The following LIMA1 variants were observed in gnomAD, a reference collection of about 807,000 sequenced individuals.
The protein encoded by LIMA1 is LIM domain and actin-binding protein 1.
A neutral mutation model predicts 62.6 loss-of-function variants in LIMA1; 52 were observed. The observed-to-expected ratio is 0.83, with a 90% confidence interval of 0.67 to 1.05. LIMA1 has a LOEUF of 1.05. LIMA1 is among the 50% of genes least tolerant of loss of function. LIMA1 has a pLI of 0.00. For synonymous variants in LIMA1, 302 were observed against 317.8 expected, an observed-to-expected ratio of 0.95 and a Z score of 0.53; for missense variants, 780 against 902.2, an observed-to-expected ratio of 0.86 and a Z score of 1.74.
At position 50,196,631 on chromosome 12, in the gene LIMA1, C is replaced by T. The variant is rs563477807; in HGVS notation, c.973-744G>A. Among the ~76,000 whole-genome samples the T allele has an allele frequency of 1.5e-4, 23 of 152,330 alleles. No individual in the cohort carries two copies. In the South Asian group the frequency reaches 4.8e-3, roughly 32 times the overall value. On this transcript the variant is annotated intron_variant, in intron 7 of 10. Coordinates refer to ENST00000341247, the MANE Select transcript of LIMA1 (RefSeq NM_016357.5). ...CACATCCAAAATCATGAAGAGTCAA[C>T]AGGTGACCCAATGTGCACTCTTCAC...
At chr12:50,273,059 A>G (rs964555498) in intron 1 of LIMA1, among the ~76,000 whole-genome samples, 20 of 151,840 alleles carry the variant, frequency 1.3e-4, no homozygotes, top group African/African-American at 4.8e-4. Context: ...CAAAAAAAAA[A>G]AAAAAGAATT....
intron 1 of LIMA1, among the ~76,000 whole-genome samples, chr12:50,266,951 G>C (rs1351750225): frequency 6.6e-6 from 1 of 152,094 alleles, no homozygotes; most frequent in Non-Finnish European, 1.5e-5. Context: ...CTGGAGTGCA[G>C]TGGCCTGATC....
intron 1 of LIMA1, among the ~76,000 whole-genome samples, chr12:50,255,090 C>T (rs1198534690): frequency 6.6e-6 from 1 of 151,584 alleles, no homozygotes; most frequent in Non-Finnish European, 1.5e-5. Flanking sequence ...AATGAGCTGG[C>T]CCTGCAACCA....
intron 1 of LIMA1, among the ~76,000 whole-genome samples, chr12:50,273,650 TAAG>T (rs1413025127): frequency 6.6e-6 from 1 of 152,238 alleles, no homozygotes; most frequent in African/African-American, 2.4e-5. Context: ...TAGATGTTAA[TAAG>T]AAACCTTTTG....
At chr12:50,211,848 CT>C (rs1324137076) in intron 4 of LIMA1, among the ~76,000 whole-genome samples, 1 of 152,030 alleles carries the variant, frequency 6.6e-6, no homozygotes, top group African/African-American at 2.4e-5. Context: ...CTGTAACAGA[CT>C]TTTATCACAT....
chr12:50,215,380 C>A (rs1424626879), intron 4 of LIMA1, among the ~76,000 whole-genome samples: 1 of 152,118 alleles, frequency 6.6e-6, no homozygotes, highest in African/African-American at 2.4e-5. Context: ...AGGTCACAAA[C>A]AAGAGAAAAG....
rs1940320049 is a variant in LIMA1 at position 50,175,788 on chromosome 12, T to C, written c.*1276A>G. On this transcript the variant is annotated 3_prime_UTR_variant, in exon 11 of 11. Transcript: ENST00000341247. ...ATAATGGAAGAGAAACATTGAAAAG[T>C]TCAAATTTTAATTAAAATCTTTATT... The C allele has an allele frequency of 6.6e-6, 1 of 152,116 alleles. No individual in the cohort carries two copies. Among genetic ancestry groups the C allele is most frequent in the African/African-American group, 2.4e-5 (1 of 41,410 alleles). 9.4% of individuals were successfully genotyped at this position (152,116 alleles called of 1,614,324 possible).
chr12:50,270,024 C>T (rs1032018860), intron 1 of LIMA1, among the ~76,000 whole-genome samples: 3 of 149,338 alleles, frequency 2.0e-5, no homozygotes, highest in African/African-American at 4.9e-5. Context: ...CACCTGAGGT[C>T]GGGAGTTCAA....
At chr12:50,240,283 A>C (rs1941758708) in intron 2 of LIMA1, among the ~76,000 whole-genome samples, 1 of 152,168 alleles carries the variant, frequency 6.6e-6, no homozygotes, top group Admixed American at 6.6e-5. Context: ...GGGAAAGGGC[A>C]GGCAATGAGG....
chr12:50,262,224 A>G (rs1480869354), intron 1 of LIMA1, among the ~76,000 whole-genome samples: 1 of 152,210 alleles, frequency 6.6e-6, no homozygotes, highest in Non-Finnish European at 1.5e-5. Flanking sequence ...TAACAAAGCC[A>G]AATAGTAATT....
intron 1 of LIMA1, among the ~76,000 whole-genome samples, chr12:50,269,499 A>C (rs1942177765): frequency 6.6e-6 from 1 of 152,220 alleles, no homozygotes; most frequent in African/African-American, 2.4e-5. Flanking sequence ...TAAAAAGAGA[A>C]TATCTCTAAT....
intron 8 of LIMA1, among the ~76,000 whole-genome samples, chr12:50,193,572 T>TACATATATATCATATATGTATATATG (rs1940842756): frequency 1.5e-5 from 1 of 65,266 alleles, no homozygotes; most frequent in Non-Finnish European, 3.4e-5. Context: ...GTATATATGA[T>TACATATATATCATATATGTATATATG]ATATATATAC....
At chr12:50,200,912 T>G in intron 6 of LIMA1, 28 bp from the exon 7 acceptor site, 3 of 1,608,608 alleles carry the variant, frequency 1.9e-6, no homozygotes, top group Non-Finnish European at 1.7e-6. Flanking sequence ...CTGTAAAAAT[T>G]TTTTTAAAGT....
chr12:50,255,278 C>T (rs1217244009), intron 1 of LIMA1, among the ~76,000 whole-genome samples: 1 of 150,992 alleles, frequency 6.6e-6, no homozygotes, highest in East Asian at 2.0e-4. Flanking sequence ...AAATGGGCCA[C>T]ATGTGGTGGC....
At chr12:50,193,500 TATATGTGTATATATGATATATATAC>T (rs1940829434) in intron 8 of LIMA1, among the ~76,000 whole-genome samples, 1 of 140,426 alleles carries the variant, frequency 7.1e-6, no homozygotes, top group African/African-American at 2.6e-5. Flanking sequence ...ATATATATCA[TATATGTGTATATATGATATATATAC>T]ACATATATGA....
intron 1 of LIMA1, among the ~76,000 whole-genome samples, chr12:50,273,806 T>C (rs1251402719): frequency 2.6e-5 from 4 of 152,258 alleles, no homozygotes; most frequent in Non-Finnish European, 5.9e-5. Context: ...GATAGCTTTC[T>C]AATTTTTCTC....
chr12:50,234,096 G>T, intron 2 of LIMA1: 1 of 458,534 alleles, frequency 2.2e-6, no homozygotes, highest in Non-Finnish European at 4.5e-6. Flanking sequence ...AGACCTCTGA[G>T]AAAAAAATTA....
chr12:50,204,064 T>C (rs1161445980), intron 6 of LIMA1, among the ~76,000 whole-genome samples: 5 of 152,132 alleles, frequency 3.3e-5, no homozygotes, highest in Non-Finnish European at 7.3e-5. Context: ...TTTAAAATGG[T>C]GATTTTATAT....
rs771394825 is a variant in LIMA1 at position 50,192,552 on chromosome 12, T to C, written c.1040A>G (p.Gln347Arg). 1.2e-6 allele frequency: 2 copies of C among 1,611,232 alleles called. No homozygotes were observed. Residue 347 changes from glutamine to arginine, a missense_variant, in exon 9 of 11, where the codon CAG (glutamine) becomes CGG (arginine). Gln to Arg is a conservative substitution (Grantham distance 43, BLOSUM62 1). Coordinates refer to ENST00000341247, the MANE Select transcript of LIMA1 (RefSeq NM_016357.5). ...AGGCTGTTGAACCTCACTCTTAACC[T>C]GGGAGTCACCTGCTTGAGTTACAAA... ...TPAEDDSRDSQVKSEVQQPVH... is the reference protein window; with the variant it reads ...TPAEDDSRDSRVKSEVQQPVH...
Sources: allele counts gnomAD v4.1 joint callset (sites outside exome capture counted in the v4.1 genomes callset), GRCh38; gene constraint gnomAD v4.1.1; transcripts MANE v1.5; gene names NCBI Gene and HGNC (gene_info 2026-07-23, HGNC 2026-07-21).